Variants in SACM1L observed in about 807,000 individuals in gnomAD.
SACM1L encodes the protein phosphatidylinositol-3-phosphatase SAC1.
In SACM1L, 32 loss-of-function variants were observed where a neutral mutation model predicts 89.5. The observed-to-expected ratio is 0.36, with a 90% CI of 0.27 to 0.48. SACM1L has a LOEUF of 0.48. Ranked by LOEUF, SACM1L falls within the 20% of genes least tolerant of loss-of-function variation. The pLI, the probability that SACM1L is intolerant of heterozygous loss-of-function variation, is 0.99. For missense variants in SACM1L, 543 were observed against 708.5 expected, an observed-to-expected ratio of 0.77 and a Z score of 2.65; for synonymous variants, 213 against 232.8, an observed-to-expected ratio of 0.92 and a Z score of 0.77.
At chr3:45,713,074 T>C in intron 5 of SACM1L, 63 bp from the exon 6 acceptor site, 3 of 1,385,552 alleles carry the variant, frequency 2.2e-6, no homozygotes, top group Non-Finnish European at 3.0e-6. Context: ...TTGGTGTAGT[T>C]TTCTTTCTGT....
chr3:45,729,508 G>C (rs139306695), intron 11 of SACM1L, among the ~76,000 whole-genome samples: 3 of 152,262 alleles, frequency 2.0e-5, no homozygotes, highest in African/African-American at 7.2e-5. Context: ...ACTACCTCAG[G>C]TTTTGTTTAT....
chr3:45,693,408 T>C (rs1698046436), intron 1 of SACM1L, among the ~76,000 whole-genome samples: 1 of 152,212 alleles, frequency 6.6e-6, no homozygotes, highest in South Asian at 2.1e-4. Context: ...GTACTAGCAC[T>C]GCAAAAAGAA....
At position 45,744,319 on chromosome 3, in the gene SACM1L, G is replaced by C. The variant is rs1462125966; in HGVS notation, c.*650G>C. 2 of 152,522 alleles carry C rather than the reference G, an allele frequency of 1.3e-5. No homozygotes were observed. The highest frequency in any genetic ancestry group is 2.9e-5 in the Non-Finnish European group (2 of 68,030). 9.4% of individuals were successfully genotyped at this position (152,522 alleles called of 1,614,324 possible). ...GCCAGTGCACCAGCAGTTTAGGTGTGATGAGAGAATTCAGATATACTTTAT... is the reference window on the plus strand; with the variant it reads ...GCCAGTGCACCAGCAGTTTAGGTGTCATGAGAGAATTCAGATATACTTTAT... On this transcript the variant is annotated 3_prime_UTR_variant, in exon 20 of 20. Coordinates refer to ENST00000389061, the MANE Select transcript of SACM1L (RefSeq NM_014016.5).
intron 7 of SACM1L, among the ~76,000 whole-genome samples, chr3:45,716,722 A>T (rs1559543794): frequency 6.6e-6 from 1 of 151,682 alleles, no homozygotes; most frequent in Non-Finnish European, 1.5e-5. Context: ...GATGAGGGAG[A>T]AATGTTGCAT....
intron 1 of SACM1L, among the ~76,000 whole-genome samples, chr3:45,699,499 A>C (rs1214765390): frequency 6.6e-6 from 1 of 151,970 alleles, no homozygotes; most frequent in Non-Finnish European, 1.5e-5. Flanking sequence ...TTAATTTCCT[A>C]GAATTAAAAA....
chr3:45,704,538 A>G (rs1354275446), intron 2 of SACM1L, among the ~76,000 whole-genome samples: 2 of 152,182 alleles, frequency 1.3e-5, no homozygotes, highest in African/African-American at 2.4e-5. Flanking sequence ...GGTTTTAACT[A>G]GTGTTAGTAC....
intron 11 of SACM1L, among the ~76,000 whole-genome samples, chr3:45,725,771 T>C (rs1322794905): frequency 2.0e-5 from 3 of 152,222 alleles, no homozygotes; most frequent in South Asian, 2.1e-4. Flanking sequence ...CCTTGTCTTA[T>C]TCCTTTTCTT....
At chr3:45,719,200 T>TG (rs1698732795) in intron 7 of SACM1L, among the ~76,000 whole-genome samples, 1 of 152,190 alleles carries the variant, frequency 6.6e-6, no homozygotes, top group African/African-American at 2.4e-5. Flanking sequence ...TTCAGTGATG[T>TG]GGTTAATACT....
intron 7 of SACM1L, 35 bp from the exon 8 acceptor site, chr3:45,719,465 C>T (rs773415705): frequency 1.7e-6 from 2 of 1,198,466 alleles, no homozygotes; most frequent in East Asian, 2.4e-5. Context: ...CTTATGATTT[C>T]TATTATATGT....
chr3:45,703,641 T>G (rs1698324770), intron 2 of SACM1L, 106 bp downstream of exon 2: 1 of 623,090 alleles, frequency 1.6e-6, no homozygotes, highest in Non-Finnish European at 2.7e-6. Context: ...GATCTCTGAG[T>G]GCATTCTTAT....
At chr3:45,713,387 T>C in intron 6 of SACM1L, 191 bp downstream of exon 6, 1 of 448,222 alleles carries the variant, frequency 2.2e-6, no homozygotes, top group Non-Finnish European at 3.9e-6. Flanking sequence ...ACTATTTTAC[T>C]CTGATCTTCT....
chr3:45,693,083 A>G (rs1698034964), intron 1 of SACM1L, among the ~76,000 whole-genome samples: 1 of 152,238 alleles, frequency 6.6e-6, no homozygotes, highest in African/African-American at 2.4e-5. Flanking sequence ...AAACCTGTAC[A>G]GCAGGTTACT....
chr3:45,698,752 T>C (rs1385907366), intron 1 of SACM1L, among the ~76,000 whole-genome samples: 2 of 152,118 alleles, frequency 1.3e-5, no homozygotes, highest in Non-Finnish European at 2.9e-5. Flanking sequence ...GGTTTCACCA[T>C]GTTGGCCAGG....
At chr3:45,700,564 T>C (rs1698241796) in intron 1 of SACM1L, among the ~76,000 whole-genome samples, 2 of 152,224 alleles carry the variant, frequency 1.3e-5, no homozygotes, top group African/African-American at 2.4e-5. Context: ...TTTAGTAAAA[T>C]TTTAATAATG....
chr3:45,738,888 T>G lies in SACM1L; in HGVS notation c.1569+15T>G. On this transcript the variant is annotated intron_variant, in intron 18 of 19. Coordinates refer to ENST00000389061, the MANE Select transcript of SACM1L (RefSeq NM_014016.5). ...AATTCCTGGCTGTAAGAAACCATTTTGTATTTTTCAAGTTTTTAAAAGCAT... is the reference window on the plus strand; with the variant it reads ...AATTCCTGGCTGTAAGAAACCATTTGGTATTTTTCAAGTTTTTAAAAGCAT... 1 of 1,539,082 alleles carries G rather than the reference T, an allele frequency of 6.5e-7. No individual in the cohort carries two copies. Among genetic ancestry groups the G allele is most frequent in the Non-Finnish European group, 8.9e-7 (1 of 1,119,432 alleles).
intron 7 of SACM1L, among the ~76,000 whole-genome samples, chr3:45,717,254 A>G (rs1051624340): frequency 3.3e-5 from 5 of 152,234 alleles, no homozygotes; most frequent in East Asian, 1.9e-4. Context: ...CACTTCTCCA[A>G]TGCATACCCA....
intron 13 of SACM1L, among the ~76,000 whole-genome samples, chr3:45,734,150 C>A (rs551374564): frequency 7.2e-6 from 1 of 139,642 alleles, no homozygotes. Flanking sequence ...CTGTGGCTCA[C>A]GCCTGTAATC....
intron 4 of SACM1L, 180 bp downstream of exon 4, chr3:45,707,087 TGCTCTTG>T: frequency 2.0e-6 from 1 of 505,152 alleles, no homozygotes; most frequent in Non-Finnish European, 3.3e-6. Flanking sequence ...AATCATTTGT[TGCTCTTG>T]TTTTTTTTTT....
chr3:45,689,636 G>A lies in SACM1L; in HGVS notation c.32+139G>A, dbSNP rs1697919104. On this transcript the variant is annotated intron_variant, in intron 1 of 19. Coordinates refer to ENST00000389061, the MANE Select transcript of SACM1L (RefSeq NM_014016.5). ...CGCATTTACCGGTTTTCCTCAGCCG[G>A]CGCGGCCTCTCCTAGGCCTCGCCCG... The A allele has an allele frequency of 4.6e-6, 5 of 1,077,936 alleles. 1 individual carries two copies. The South Asian group carries it at 6.9e-5, about 15-fold the overall frequency. The allele number at this position is 1,077,936 out of a possible 1,614,324, so 66.8% of individuals were successfully genotyped here.
Sources: allele counts gnomAD v4.1 joint callset (sites outside exome capture counted in the v4.1 genomes callset), GRCh38; gene constraint gnomAD v4.1.1; transcripts MANE v1.5; gene names NCBI Gene and HGNC (gene_info 2026-07-23, HGNC 2026-07-21).